CNTN3: variants seen among roughly 807,000 people sequenced by gnomAD.
The protein encoded by CNTN3 is contactin-3.
CNTN3 carries 60 observed loss-of-function variants against 119.1 expected under a neutral mutation model. The ratio of observed to expected loss-of-function variants is 0.50; its 90% CI spans 0.41 to 0.62. The LOEUF is 0.62. Among genes scored for constraint, CNTN3 ranks in the 20% least tolerant of loss-of-function variants. CNTN3 has a pLI of 0.00. For synonymous variants in CNTN3, 450 were observed against 438.7 expected (o/e 1.03, Z -0.32); for missense variants, 1,101 against 1,242.4 (o/e 0.89, Z 1.71).
intron 4 of CNTN3, among the ~76,000 whole-genome samples, chr3:74,459,136 T>C (rs1216129627): frequency 6.6e-6 from 1 of 152,000 alleles, no homozygotes; most frequent in African/African-American, 2.4e-5. Context: ...AATCCTCTTA[T>C]CTCTGCCTTG....
chr3:74,463,329 A>G (rs1293390734), intron 4 of CNTN3, among the ~76,000 whole-genome samples: 27 of 152,146 alleles, frequency 1.8e-4, no homozygotes, highest in Admixed American at 1.8e-3. Flanking sequence ...GCTGATAGAT[A>G]ACTTCAATAC....
chr3:74,578,155 G>C (rs1476964169), intron 1 of CNTN3, among the ~76,000 whole-genome samples: 2 of 151,840 alleles, frequency 1.3e-5, no homozygotes, highest in Non-Finnish European at 1.5e-5. Context: ...TTTTTGCTCA[G>C]TAAGTTATTA....
intron 1 of CNTN3, among the ~76,000 whole-genome samples, chr3:74,553,646 T>A (rs905759085): frequency 2.6e-5 from 4 of 152,350 alleles, no homozygotes; most frequent in South Asian, 4.1e-4. Context: ...CGTGAGATGA[T>A]ATCTCATTGT....
intron 1 of CNTN3, among the ~76,000 whole-genome samples, chr3:74,613,473 C>T (rs1213115067): frequency 6.6e-6 from 1 of 152,112 alleles, no homozygotes; most frequent in African/African-American, 2.4e-5. Flanking sequence ...CTCTGTTCCC[C>T]TTTCTTTGCC....
intron 5 of CNTN3, among the ~76,000 whole-genome samples, chr3:74,400,505 G>C (rs746969493): frequency 2.0e-5 from 3 of 152,158 alleles, no homozygotes; most frequent in Non-Finnish European, 4.4e-5. Flanking sequence ...ACTTCCATTT[G>C]AGAAAGGTGT....
chr3:74,325,704 C>T (rs1274862366), intron 13 of CNTN3, among the ~76,000 whole-genome samples: 2 of 152,070 alleles, frequency 1.3e-5, no homozygotes, highest in Non-Finnish European at 2.9e-5. Context: ...ACAAATACCT[C>T]TAAGTAAAGT....
rs1328285347 is a variant in CNTN3, at chr3:74,385,792, G to T, written c.455-14393C>A. Reference sequence around the variant, plus strand: ...TCTATATTATAAAATATGTATGCAGGTCCTGCTTTTTAAAATGTGTGAGCA... The same window carrying T: ...TCTATATTATAAAATATGTATGCAGTTCCTGCTTTTTAAAATGTGTGAGCA... On this transcript the variant is annotated intron_variant, in intron 5 of 22. Coordinates refer to ENST00000263665, the MANE Select transcript of CNTN3 (RefSeq NM_020872.3). 7.9e-5 allele frequency among the ~76,000 whole-genome samples: 12 copies of T among 152,256 alleles called. No individual in the cohort carries two copies. The South Asian group carries it at 1.7e-3, about 21-fold the overall frequency.
chr3:74,397,540 C>T (rs1285398054), intron 5 of CNTN3, among the ~76,000 whole-genome samples: 1 of 151,468 alleles, frequency 6.6e-6, no homozygotes, highest in Non-Finnish European at 1.5e-5. Context: ...CTCTCTGTCT[C>T]ATTGGGCCTC....
At chr3:74,461,091 C>T (rs146311785) in intron 4 of CNTN3, among the ~76,000 whole-genome samples, 1 of 151,760 alleles carries the variant, frequency 6.6e-6, no homozygotes, top group Non-Finnish European at 1.5e-5. Context: ...TTTACTGTGC[C>T]AATCGACATG....
intron 11 of CNTN3, among the ~76,000 whole-genome samples, chr3:74,356,618 T>C (rs1023621594): frequency 1.3e-5 from 2 of 152,094 alleles, no homozygotes; most frequent in African/African-American, 4.8e-5. Flanking sequence ...TAGCATATAG[T>C]AGGTACTCAA....
intron 19 of CNTN3, 83 bp from the exon 20 acceptor site, chr3:74,285,574 T>C: frequency 7.4e-7 from 1 of 1,354,242 alleles, no homozygotes; most frequent in Non-Finnish European, 1.0e-6. Context: ...AAATGGGCAC[T>C]GACTTATTTC....
chr3:74,400,376 T>C (rs932276128), intron 5 of CNTN3, among the ~76,000 whole-genome samples: 21 of 152,168 alleles, frequency 1.4e-4, no homozygotes, highest in African/African-American at 4.8e-4. Flanking sequence ...ACCGTCCCAG[T>C]TGGGGTCGTG....
intron 1 of CNTN3, among the ~76,000 whole-genome samples, chr3:74,522,291 C>A (rs563674249): frequency 6.6e-6 from 1 of 151,786 alleles, no homozygotes; most frequent in Non-Finnish European, 1.5e-5. Context: ...GATGGAATTG[C>A]GGCTAGAATG....
At chr3:74,611,151 T>C (rs889571188) in intron 1 of CNTN3, among the ~76,000 whole-genome samples, 3 of 152,224 alleles carry the variant, frequency 2.0e-5, no homozygotes, top group African/African-American at 7.2e-5. Flanking sequence ...CAAATGCCAA[T>C]AGGTCTGCAA....
intron 12 of CNTN3, 55 bp from the exon 13 acceptor site, chr3:74,334,965 T>G: frequency 7.3e-7 from 1 of 1,379,062 alleles, no homozygotes; most frequent in East Asian, 2.3e-5. Context: ...TAAAAGACAT[T>G]TGCACAGGCA....
At chr3:74,316,490 T>TA (rs1702833314) in intron 13 of CNTN3, among the ~76,000 whole-genome samples, 1 of 152,144 alleles carries the variant, frequency 6.6e-6, no homozygotes, top group Admixed American at 6.5e-5. Flanking sequence ...ACTAGGTACA[T>TA]AACCAGAGGA....
At chr3:74,446,452 A>G (rs1280997626) in intron 4 of CNTN3, among the ~76,000 whole-genome samples, 1 of 152,084 alleles carries the variant, frequency 6.6e-6, no homozygotes, top group Non-Finnish European at 1.5e-5. Flanking sequence ...CTAAATGTTG[A>G]TATCATAAAC....
chr3:74,351,038 T>C (rs1012503267), intron 11 of CNTN3, among the ~76,000 whole-genome samples: 1 of 152,150 alleles, frequency 6.6e-6, no homozygotes, highest in Admixed American at 6.5e-5. Flanking sequence ...CACTATACAA[T>C]ATGCCCTTGT....
At chr3:74,435,486 T>C (rs1701851221) in intron 4 of CNTN3, among the ~76,000 whole-genome samples, 1 of 152,174 alleles carries the variant, frequency 6.6e-6, no homozygotes, top group African/African-American at 2.4e-5. Context: ...CTGGAACTAT[T>C]TTGTAATGCA....
Sources: allele counts gnomAD v4.1 joint callset (sites outside exome capture counted in the v4.1 genomes callset), GRCh38; gene constraint gnomAD v4.1.1; transcripts MANE v1.5; gene names NCBI Gene and HGNC (gene_info 2026-07-23, HGNC 2026-07-21).